CCNH: variants seen among roughly 807,000 people sequenced by gnomAD.
CCNH encodes the protein cyclin-H.
Under a neutral mutation model 41.9 loss-of-function variants are expected in CCNH, and 31 were observed. The observed-to-expected ratio is 0.74, with a 90% CI of 0.56 to 1.00. CCNH has a LOEUF of 1.00. CCNH is among the 50% of genes least tolerant of loss of function. The probability of loss-of-function intolerance (pLI) is 0.00; values close to 1 mark genes in which losing one functional copy is unlikely to be tolerated. For missense variants in CCNH, 362 were observed against 388.4 expected (o/e 0.93, Z 0.57); for synonymous variants, 138 against 136.1 (o/e 1.01, Z -0.10).
At chr5:87,374,727 CTGT>C, downstream of CCNH, 1 of 1,414,454 alleles carries the variant, frequency 7.1e-7, no homozygotes, top group Non-Finnish European at 9.6e-7. Flanking sequence ...GTCTAGCACA[CTGT>C]TTTTTTTTTT....
Position 87,395,118 on chromosome 5 carries a change from A to G in CCNH, c.873-14T>C, listed in dbSNP as rs761589211. 2 of 1,606,092 alleles carry G rather than the reference A, an allele frequency of 1.2e-6. No individual in the cohort carries two copies. The highest frequency in any genetic ancestry group is 1.3e-5 in the African/African-American group (1 of 74,590). ...TTCCTCTTCTTCCTATAATTAAGCA[A>G]CTATCAATAAGCAATCCAATACCAG... On this transcript the variant is annotated splice_polypyrimidine_tract_variant and intron_variant, in intron 7 of 8. Transcript: ENST00000256897.
intron 9 of CCNH, among the ~76,000 whole-genome samples, chr5:87,323,416 A>C (rs1403427873): frequency 1.3e-5 from 2 of 152,126 alleles, no homozygotes; most frequent in Admixed American, 1.3e-4. Flanking sequence ...TTTGAGGGAG[A>C]GAGTGGATAA....
At position 87,356,216 on chromosome 5, in the gene CCNH, TG is replaced by T. The variant is rs149297614; in HGVS notation, c.*90+36553del. On this transcript the variant is annotated intron_variant and NMD_transcript_variant, in intron 9 of 9. Coordinates refer to the CCNH transcript ENST00000645953. ...AAACAGCATTATAGGGAATTTCTTT[TG>T]TGAAAGAAGAGTCAATTGATGCAGC... 1.9e-4 allele frequency among the ~76,000 whole-genome samples: 29 copies of T among 152,226 alleles called. No individual in the cohort carries two copies. In the East Asian group the frequency reaches 5.6e-3, roughly 29 times the overall value.
upstream of CCNH, chr5:87,380,691 T>TGAA (rs1761648435): frequency 8.4e-7 from 1 of 1,185,152 alleles, no homozygotes; most frequent in Admixed American, 1.7e-5. Context: ...TGCTTTTTTC[T>TGAA]TTGGCTTTTA....
downstream of CCNH, among the ~76,000 whole-genome samples, chr5:87,318,098 T>C (rs1225740756): frequency 6.6e-6 from 1 of 152,174 alleles, no homozygotes; most frequent in African/African-American, 2.4e-5. Context: ...TGGGCTAAAA[T>C]GTTCTTGGCA....
intron 9 of CCNH, among the ~76,000 whole-genome samples, chr5:87,352,709 A>G (rs956822024): frequency 6.6e-5 from 10 of 151,110 alleles, no homozygotes; most frequent in African/African-American, 1.9e-4. Flanking sequence ...CCTGTTTCTG[A>G]TATAAAACCA....
chr5:87,400,860 A>C (rs756583661), intron 6 of CCNH, among the ~76,000 whole-genome samples: 8 of 152,232 alleles, frequency 5.3e-5, no homozygotes, highest in Admixed American at 3.9e-4. Context: ...GCCACGGTCA[A>C]GAATGGAGAA....
intron 9 of CCNH, among the ~76,000 whole-genome samples, chr5:87,385,803 T>C (rs894320951): frequency 6.6e-6 from 1 of 152,074 alleles, no homozygotes; most frequent in Non-Finnish European, 1.5e-5. Context: ...TGGGATCATA[T>C]CATGCCTCCT....
intron 9 of CCNH, among the ~76,000 whole-genome samples, chr5:87,324,074 G>T (rs891358858): frequency 1.3e-5 from 2 of 152,194 alleles, no homozygotes; most frequent in East Asian, 3.8e-4. Flanking sequence ...GACAATGTTA[G>T]ACTAAAGTTT....
rs781156139 is a variant in CCNH at position 87,395,050 on chromosome 5, A to G, written c.927T>C (p.His309=). The part of the protein sequence containing the change: ...DDDYVSKKSK[H]EEEEWTDDDL... ...TCTTTGGAGTAAAACATACCTCCTCATGTTTGGATTTCTTTGAGACGTAAT... is the reference window on the plus strand; with the variant it reads ...TCTTTGGAGTAAAACATACCTCCTCGTGTTTGGATTTCTTTGAGACGTAAT... The change falls in exon 8 of 9, where the codon CAT becomes CAC. Residue 309 remains histidine (H), a synonymous_variant. Coordinates refer to ENST00000256897, the MANE Select transcript of CCNH (RefSeq NM_001239.4). The G allele has an allele frequency of 6.2e-7, 1 of 1,610,954 alleles. No homozygotes were observed. The highest frequency in any genetic ancestry group is 2.2e-5 in the East Asian group (1 of 44,746).
At position 87,404,907 on chromosome 5, in the gene CCNH, G is replaced by C; in HGVS notation, c.626C>G (p.Pro209Arg). ...AATGGCAGTCAGGGCAATTTGGGAAGGTGTGTATAAAAGGTAAGCATCCGT... is the reference window on the plus strand; with the variant it reads ...AATGGCAGTCAGGGCAATTTGGGAACGTGTGTATAAAAGGTAAGCATCCGT... ...ALTDAYLLYT[P>R]SQIALTAILS... The change falls in exon 5 of 9, where the codon CCT (proline) becomes CGT (arginine). Residue 209 changes from proline to arginine, a missense_variant. Pro to Arg is a moderately radical substitution (Grantham distance 103). Coordinates refer to ENST00000256897, the MANE Select transcript of CCNH (RefSeq NM_001239.4). The C allele has an allele frequency of 6.2e-7, 1 of 1,613,504 alleles. No homozygotes were observed. Among genetic ancestry groups the C allele is most frequent in the Non-Finnish European group, 8.5e-7 (1 of 1,179,560 alleles).
intron 2 of CCNH, 148 bp downstream of exon 2, chr5:87,411,076 C>T (rs886137192): frequency 5.9e-6 from 4 of 682,682 alleles, no homozygotes; most frequent in South Asian, 3.2e-5. Context: ...TGATTTAAGG[C>T]CTGTATTGAA....
At chr5:87,396,403 C>T (rs1339889738) in intron 7 of CCNH, among the ~76,000 whole-genome samples, 17 of 152,044 alleles carry the variant, frequency 1.1e-4, no homozygotes, top group Admixed American at 3.9e-4. Context: ...GGGCGGATCA[C>T]GACGTCAGGA....
Position 87,325,432 on chromosome 5 carries a change from A to G in CCNH, c.*91-6535T>C, listed in dbSNP as rs438457. On this transcript the variant is annotated intron_variant and NMD_transcript_variant, in intron 9 of 9. Transcript: ENST00000645953. Reference sequence around the variant, plus strand: ...AAGATTTTTATGTTTTAGCAAATGCATACCAACTTGAAATCACCAATTTAG... The same window carrying G: ...AAGATTTTTATGTTTTAGCAAATGCGTACCAACTTGAAATCACCAATTTAG... 5.2e-5 allele frequency among the ~76,000 whole-genome samples: 8 copies of G among 152,384 alleles called. No homozygotes were observed. The South Asian group carries it at 1.0e-3, about 20-fold the overall frequency.
Position 87,331,004 on chromosome 5 carries a change from A to G in CCNH, c.*91-12107T>C, listed in dbSNP as rs555906778. 1.1e-4 allele frequency: 155 copies of G among 1,395,786 alleles called. No homozygotes were observed. In the African/African-American group the frequency reaches 2.2e-3, roughly 20 times the overall value. 86.5% of individuals were successfully genotyped at this position (1,395,786 alleles called of 1,614,324 possible). A position where few individuals can be genotyped will look rare whatever the true frequency, so the allele number is the denominator to read the frequency against. ...TCGAGGTAGTAAATTAATCATTTCC[A>G]TTTGTCTATCTTTTATTTTTCTAAG... On this transcript the variant is annotated intron_variant and NMD_transcript_variant, in intron 9 of 9. Transcript: ENST00000645953.
Position 87,394,385 on chromosome 5 carries a change from A to ACGTT in CCNH, c.*57_*60dup. On this transcript the variant is annotated 3_prime_UTR_variant, in exon 9 of 9. Transcript: ENST00000256897. ...CATTATACTTTTTAAATAAAGTTAAACGTTTGATATGCTTCCTACTTCTCT... is the reference window on the plus strand; with the variant it reads ...CATTATACTTTTTAAATAAAGTTAAACGTTCGTTTGATATGCTTCCTACTTCTCT... 6.4e-7 allele frequency: 1 copy of ACGTT among 1,574,062 alleles called. No homozygotes were observed.
At chr5:87,409,449 G>C in intron 2 of CCNH, 86 bp from the exon 3 acceptor site, 2 of 730,060 alleles carry the variant, frequency 2.7e-6, no homozygotes, top group Admixed American at 2.7e-5. Flanking sequence ...TTTATGGAAA[G>C]GTTTCTTTGT....
chr5:87,339,622 T>C (rs1196135161), intron 9 of CCNH, among the ~76,000 whole-genome samples: 1 of 152,034 alleles, frequency 6.6e-6, no homozygotes, highest in African/African-American at 2.4e-5. Flanking sequence ...ACTCAATGTA[T>C]ACAGAAAAAT....
chr5:87,394,781 G>GA, intron 8 of CCNH: 5 of 1,339,136 alleles, frequency 3.7e-6, no homozygotes, highest in Non-Finnish European at 4.8e-6. Context: ...TGGAGAATAA[G>GA]AAAAAAAGCA....
Sources: allele counts gnomAD v4.1 joint callset (sites outside exome capture counted in the v4.1 genomes callset), GRCh38; gene constraint gnomAD v4.1.1; transcripts MANE v1.5; gene names NCBI Gene and HGNC (gene_info 2026-07-23, HGNC 2026-07-21).